QKI: variants seen among roughly 807,000 people sequenced by gnomAD.
QKI encodes the protein QKI, KH domain containing RNA binding.
QKI carries 10 observed loss-of-function variants against 39.0 expected under a neutral mutation model. That is an observed-to-expected ratio of 0.26 (90% confidence interval 0.16 to 0.43). The LOEUF is 0.43. Ranked by LOEUF, QKI falls within the 20% of genes least tolerant of loss-of-function variation. The probability of loss-of-function intolerance (pLI) is 1.00; values close to 1 mark genes in which losing one functional copy is unlikely to be tolerated. For missense variants in QKI, 218 were observed against 428.0 expected, an observed-to-expected ratio of 0.51 and a Z score of 4.33; for synonymous variants, 204 against 155.4, an observed-to-expected ratio of 1.31 and a Z score of -2.33.
chr6:163,415,400 G>C lies in QKI; in HGVS notation c.142+65G>C, dbSNP rs572768018. ...CCGGGGCGGCCCCTTTCCCCGCTTG[G>C]GATGGTGGGGAGGGCGGGAAGGTCA... is the stretch of plus-strand genomic sequence containing the variant. On this transcript the variant is annotated intron_variant, in intron 1 of 7. Coordinates refer to ENST00000361752, the MANE Select transcript of QKI (RefSeq NM_006775.3). The C allele has an allele frequency of 3.3e-6, 5 of 1,498,214 alleles. No individual in the cohort carries two copies. In the East Asian group the frequency reaches 1.2e-4, roughly 37 times the overall value. The allele number at this position is 1,498,214 out of a possible 1,614,324, so 92.8% of individuals were successfully genotyped here. A position where few individuals can be genotyped will look rare whatever the true frequency, so the allele number is the denominator to read the frequency against.
chr6:163,422,868 C>G (rs898296204), intron 1 of QKI, among the ~76,000 whole-genome samples: 2 of 152,022 alleles, frequency 1.3e-5, no homozygotes, highest in Non-Finnish European at 2.9e-5. Flanking sequence ...TGGTCAGTAG[C>G]AAATCATTGG....
At chr6:163,449,719 T>G (rs1790408581) in intron 1 of QKI, among the ~76,000 whole-genome samples, 1 of 152,206 alleles carries the variant, frequency 6.6e-6, no homozygotes, top group Non-Finnish European at 1.5e-5. Flanking sequence ...AGTTTAAATT[T>G]GCTGAAAAAT....
chr6:163,532,404 C>T (rs1241740820), intron 3 of QKI, among the ~76,000 whole-genome samples: 1 of 152,140 alleles, frequency 6.6e-6, no homozygotes, highest in Non-Finnish European at 1.5e-5. Flanking sequence ...TGCTGCTTTG[C>T]ATGCCCGTTA....
intron 7 of QKI, chr6:163,567,987 A>C: frequency 2.0e-6 from 2 of 985,530 alleles, no homozygotes; most frequent in South Asian, 9.4e-5. Context: ...ATAATCCATA[A>C]AGAACGTTGA....
At chr6:163,562,147 C>A in intron 5 of QKI, 78 bp downstream of exon 5, 1 of 972,238 alleles carries the variant, frequency 1.0e-6, no homozygotes, top group Non-Finnish European at 1.5e-6. Flanking sequence ...TTTGGCAACA[C>A]AATAATAGTT....
intron 2 of QKI, among the ~76,000 whole-genome samples, chr6:163,476,327 T>C (rs79807024): frequency 2.5e-4 from 38 of 152,178 alleles, no homozygotes; most frequent in Admixed American, 1.6e-3. Context: ...GTCTTTTTTT[T>C]CTCAAGGGTC....
intron 1 of QKI, among the ~76,000 whole-genome samples, chr6:163,426,490 A>G (rs1051135156): frequency 6.6e-6 from 1 of 152,004 alleles, no homozygotes; most frequent in African/African-American, 2.4e-5. Context: ...GGATCCTTGT[A>G]CTTTAAAGGT....
At chr6:163,427,722 G>C (rs909933061) in intron 1 of QKI, among the ~76,000 whole-genome samples, 5 of 152,044 alleles carry the variant, frequency 3.3e-5, no homozygotes, top group African/African-American at 1.2e-4. Context: ...GATCCAGAAA[G>C]ATAACTTACA....
At chr6:163,462,685 T>C (rs921214814) in intron 2 of QKI, among the ~76,000 whole-genome samples, 2 of 152,190 alleles carry the variant, frequency 1.3e-5, no homozygotes, top group African/African-American at 2.4e-5. Context: ...AATTTTGGTA[T>C]CATTTCTTCA....
chr6:163,549,793 A>G (rs1171293632), intron 4 of QKI, among the ~76,000 whole-genome samples: 1 of 152,208 alleles, frequency 6.6e-6, no homozygotes, highest in African/African-American at 2.4e-5. Context: ...ATTAGTATGC[A>G]ATTGTAGTAA....
At position 163,499,528 on chromosome 6, in the gene QKI, C is replaced by T. The variant is rs1000901145; in HGVS notation, c.402+20632C>T. Among the ~76,000 whole-genome samples, 4 of 152,106 alleles carry T rather than the reference C, an allele frequency of 2.6e-5. No individual in the cohort carries two copies. In the East Asian group the frequency reaches 5.8e-4, roughly 22 times the overall value. ...AGGCTTGATTAAATATATGCTAAAA[C>T]GTGAATTTGTTTTGTTAGCATCACT... On this transcript the variant is annotated intron_variant, in intron 3 of 7. Transcript: ENST00000361752.
Position 163,415,121 on chromosome 6 carries a change from C to A in QKI, c.-73C>A, listed in dbSNP as rs533520219. The A allele has an allele frequency of 2.7e-6, 3 of 1,125,888 alleles. No homozygotes were observed. The South Asian group carries it at 8.8e-5, about 33-fold the overall frequency. The allele number at this position is 1,125,888 out of a possible 1,614,324, so 69.7% of individuals were successfully genotyped here. ...TCCCGAGCGGCCCGCGGCCGGGGCT[C>A]GCCCCCGCCCCTCCCTCCTCTCCGG... On this transcript the variant is annotated 5_prime_UTR_variant, in exon 1 of 8. Transcript: ENST00000361752.
intron 4 of QKI, among the ~76,000 whole-genome samples, chr6:163,541,796 C>G (rs893577117): frequency 6.6e-6 from 1 of 151,568 alleles, no homozygotes; most frequent in African/African-American, 2.4e-5. Context: ...TTTTTCTCCC[C>G]AAATACCAGT....
intron 3 of QKI, among the ~76,000 whole-genome samples, chr6:163,486,513 G>A (rs1777690364): frequency 2.0e-5 from 3 of 152,116 alleles, no homozygotes; most frequent in Non-Finnish European, 2.9e-5. Flanking sequence ...CTTCTTTTAC[G>A]TGATGCTTTT....
chr6:163,417,246 G>A (rs1787599636), intron 1 of QKI, among the ~76,000 whole-genome samples: 1 of 151,970 alleles, frequency 6.6e-6, no homozygotes, highest in Admixed American at 6.6e-5. Flanking sequence ...AACAATTTCT[G>A]GTGAAAGTTT....
chr6:163,529,768 T>G (rs1303648608), intron 3 of QKI, among the ~76,000 whole-genome samples: 1 of 152,204 alleles, frequency 6.6e-6, no homozygotes, highest in Non-Finnish European at 1.5e-5. Context: ...AAAGCACAAG[T>G]AAGCCATGAC....
chr6:163,440,068 C>T (rs1169544904), intron 1 of QKI, among the ~76,000 whole-genome samples: 2 of 152,298 alleles, frequency 1.3e-5, no homozygotes, highest in African/African-American at 4.8e-5. Context: ...TCCTTTCCCC[C>T]CTCATTGTAT....
chr6:163,546,393 C>T (rs1446869082), intron 4 of QKI, among the ~76,000 whole-genome samples: 1 of 151,876 alleles, frequency 6.6e-6, no homozygotes, highest in East Asian at 1.9e-4. Flanking sequence ...TTAAGAAAAT[C>T]ACATGTCCCT....
At chr6:163,555,750 G>A (rs2128247971) in intron 4 of QKI, among the ~76,000 whole-genome samples, 1 of 152,164 alleles carries the variant, frequency 6.6e-6, no homozygotes, top group East Asian at 1.9e-4. Flanking sequence ...GCAGTGGTTC[G>A]AATTATTTTT....
Sources: allele counts gnomAD v4.1 joint callset (sites outside exome capture counted in the v4.1 genomes callset), GRCh38; gene constraint gnomAD v4.1.1; transcripts MANE v1.5; gene names NCBI Gene and HGNC (gene_info 2026-07-23, HGNC 2026-07-21).